Variants in SSUH2 observed in about 807,000 individuals in gnomAD.
SSUH2 encodes the protein ssu-2 homolog, also known as protein SSUH2 homolog.
A neutral mutation model predicts 55.3 loss-of-function variants in SSUH2; 47 were observed. The observed-to-expected ratio is 0.85, with a 90% CI of 0.67 to 1.08. The LOEUF is 1.08. Ranked by LOEUF, SSUH2 falls within the 50% of genes least tolerant of loss-of-function variation. The pLI, the probability that SSUH2 is intolerant of heterozygous loss-of-function variation, is 0.00. For missense variants in SSUH2, 535 were observed against 490.7 expected (o/e 1.09, Z -0.85); for synonymous variants, 212 against 191.5 (o/e 1.11, Z -0.89).
chr3:8,679,714 T>G (rs902379453), exon 2 of SSUH2: 1 of 194,342 alleles, frequency 5.1e-6, no homozygotes, highest in Admixed American at 6.5e-5. Flanking sequence ...CCTGGAGGAC[T>G]GTGGGTATTA....
intron 1 of SSUH2, among the ~76,000 whole-genome samples, chr3:8,680,305 A>C (rs145883799): frequency 6.6e-6 from 1 of 151,714 alleles, no homozygotes; most frequent in East Asian, 1.9e-4. Flanking sequence ...TGGTGACTGA[A>C]AGCCAGCCCC....
At chr3:8,631,747 C>G (rs1698827214) in intron 5 of SSUH2, among the ~76,000 whole-genome samples, 1 of 151,990 alleles carries the variant, frequency 6.6e-6, no homozygotes, top group Admixed American at 6.5e-5. Flanking sequence ...TAGGTGAATG[C>G]TTAGACACGC....
intron 3 of SSUH2, 35 bp from the exon 4 acceptor site, chr3:8,633,830 G>A (rs1002474844): frequency 6.2e-7 from 1 of 1,613,140 alleles, no homozygotes; most frequent in Non-Finnish European, 8.5e-7. Flanking sequence ...GGGGGCTTCT[G>A]GGAAGGGCCT....
rs550492368 is a variant in SSUH2 at position 8,652,281 on chromosome 3, C to G, written c.-307+6644G>C. Among the ~76,000 whole-genome samples, 7 of 152,366 alleles carry G rather than the reference C, an allele frequency of 4.6e-5. No individual in the cohort carries two copies. In the East Asian group the frequency reaches 1.3e-3, roughly 29 times the overall value. ...TCTGCACCTGTACCACAATCTCCCC[C>G]AGTCCCAGGGTCTCAGGTGCTCTGT... On this transcript the variant is annotated intron_variant, in intron 7 of 18. Transcript: ENST00000317371.
intron 7 of SSUH2, among the ~76,000 whole-genome samples, chr3:8,628,385 T>C (rs1381303952): frequency 3.3e-5 from 5 of 152,144 alleles, no homozygotes; most frequent in Non-Finnish European, 7.4e-5. Flanking sequence ...TTTTACCCCC[T>C]GGGATTGTTA....
chr3:8,648,248 C>T (rs1701961982), upstream of SSUH2, among the ~76,000 whole-genome samples: 1 of 152,282 alleles, frequency 6.6e-6, no homozygotes, highest in Middle Eastern at 3.4e-3. Context: ...TCTGGTGCGG[C>T]AGAACAGGAA....
At chr3:8,643,412 A>C (rs1701189947) in intron 1 of SSUH2, among the ~76,000 whole-genome samples, 1 of 152,222 alleles carries the variant, frequency 6.6e-6, no homozygotes, top group South Asian at 2.1e-4. Flanking sequence ...GTTTTGAAGA[A>C]AAAAGATTGC....
intron 7 of SSUH2, among the ~76,000 whole-genome samples, chr3:8,653,534 A>C (rs1702641653): frequency 6.6e-6 from 1 of 152,362 alleles, no homozygotes; most frequent in East Asian, 1.9e-4. Context: ...TGTCAACAGC[A>C]TACACAGTTT....
intron 11 of SSUH2, 49 bp from the exon 12 acceptor site, chr3:8,620,063 C>G: frequency 1.3e-6 from 2 of 1,598,732 alleles, no homozygotes; most frequent in Non-Finnish European, 1.7e-6. Context: ...GTTCAAGTCA[C>G]TCACCTGCTC....
intron 1 of SSUH2, among the ~76,000 whole-genome samples, chr3:8,637,223 G>A (rs955877795): frequency 1.3e-5 from 2 of 152,118 alleles, no homozygotes; most frequent in Admixed American, 1.3e-4. Flanking sequence ...AACTTATGAT[G>A]GGTGTATTGG....
At chr3:8,634,599 G>A (rs959206252) in intron 3 of SSUH2, 181 of 1,289,256 alleles carry the variant, frequency 1.4e-4, no homozygotes, top group Non-Finnish European at 1.7e-4. Context: ...GAGACACTGT[G>A]GGCTGGAGAG....
intron 7 of SSUH2, among the ~76,000 whole-genome samples, chr3:8,656,115 C>G (rs1702910343): frequency 6.6e-6 from 1 of 151,970 alleles, no homozygotes; most frequent in Non-Finnish European, 1.5e-5. Flanking sequence ...GAGAGAGAGA[C>G]AAAAAGAGAA....
At chr3:8,644,808 C>G (rs1192838794), upstream of SSUH2, 7 of 1,520,422 alleles carry the variant, frequency 4.6e-6, no homozygotes, top group South Asian at 8.4e-5. Flanking sequence ...TGTGCTTGGA[C>G]CGATGTGCTC....
intron 1 of SSUH2, among the ~76,000 whole-genome samples, chr3:8,681,187 CG>C (rs1448814947): frequency 7.7e-6 from 1 of 130,568 alleles, no homozygotes; most frequent in Non-Finnish European, 1.7e-5. Flanking sequence ...CCATGCAAGG[CG>C]GGGAATGAGA....
At chr3:8,638,944 G>C (rs1461900079) in intron 1 of SSUH2, among the ~76,000 whole-genome samples, 1 of 152,150 alleles carries the variant, frequency 6.6e-6, no homozygotes, top group Non-Finnish European at 1.5e-5. Context: ...CCAAACAAAA[G>C]GGGCAGGAAG....
At chr3:8,638,131 G>T (rs1175160981) in intron 1 of SSUH2, among the ~76,000 whole-genome samples, 1 of 152,110 alleles carries the variant, frequency 6.6e-6, no homozygotes, top group Non-Finnish European at 1.5e-5. Flanking sequence ...GAAAGGTAGA[G>T]GCTGAAACCT....
chr3:8,674,508 C>T (rs189758747), intron 3 of SSUH2, among the ~76,000 whole-genome samples: 8 of 152,272 alleles, frequency 5.3e-5, no homozygotes, highest in African/African-American at 1.9e-4. Flanking sequence ...CGGTGCTGAA[C>T]ATTCGCTAGT....
intron 5 of SSUH2, among the ~76,000 whole-genome samples, chr3:8,667,707 C>T (rs1480312251): frequency 6.6e-6 from 1 of 152,180 alleles, no homozygotes; most frequent in Non-Finnish European, 1.5e-5. Context: ...ACCTTCAGCC[C>T]CTCTCCCCTC....
chr3:8,651,327 A>G (rs1702377531), intron 7 of SSUH2, among the ~76,000 whole-genome samples: 2 of 152,158 alleles, frequency 1.3e-5, no homozygotes, highest in South Asian at 2.1e-4. Flanking sequence ...GGAAGCCATC[A>G]TTGCTGACGG....
Sources: allele counts gnomAD v4.1 joint callset (sites outside exome capture counted in the v4.1 genomes callset), GRCh38; gene constraint gnomAD v4.1.1; transcripts MANE v1.5; gene names NCBI Gene and HGNC (gene_info 2026-07-23, HGNC 2026-07-21).